SEMA3A: variants seen among roughly 807,000 people sequenced by gnomAD.
SEMA3A encodes semaphorin 3A.
Under a neutral mutation model 97.9 loss-of-function variants are expected in SEMA3A, and 29 were observed. That is an observed-to-expected ratio of 0.30 (90% CI 0.22 to 0.40). SEMA3A has a LOEUF of 0.40. Ranked by LOEUF, SEMA3A falls within the 10% of genes least tolerant of loss-of-function variation. The pLI is 1.00. For synonymous variants in SEMA3A, 321 were observed against 323.7 expected (o/e 0.99, Z 0.09); for missense variants, 763 against 951.3 (o/e 0.80, Z 2.60).
At chr7:84,320,019 G>A (rs1801608220) in intron 2 of SEMA3A, among the ~76,000 whole-genome samples, 1 of 152,078 alleles carries the variant, frequency 6.6e-6, no homozygotes, top group Non-Finnish European at 1.5e-5. Flanking sequence ...ACCCAAAGTA[G>A]GAGCCCAACT....
intron 6 of SEMA3A, among the ~76,000 whole-genome samples, chr7:84,033,637 T>C (rs779749190): frequency 2.6e-5 from 4 of 152,192 alleles, no homozygotes; most frequent in Non-Finnish European, 5.9e-5. Flanking sequence ...AGTAGGGATA[T>C]AAAATAATCT....
At chr7:84,030,045 A>G (rs1916928) in intron 6 of SEMA3A, among the ~76,000 whole-genome samples, 44,494 of 152,026 alleles carry the variant, frequency 0.29, 7,239 homozygotes, top group East Asian at 0.6. Context: ...TAAAAACAAA[A>G]TTATCCTCTC....
chr7:84,361,645 C>A lies in SEMA3A; in HGVS notation c.-169+10179G>T, dbSNP rs1047477763. On this transcript the variant is annotated intron_variant, in intron 2 of 3. Transcript: ENST00000424555. ...GGAAGACTCCTAATTACTAATGATA[C>A]CCTAATTACAATGAATCTTATGACA... is the stretch of plus-strand genomic sequence containing the variant. Among the ~76,000 whole-genome samples the A allele has an allele frequency of 2.6e-5, 4 of 151,860 alleles. No homozygotes were observed. In the East Asian group the frequency reaches 5.8e-4, roughly 22 times the overall value.
In SEMA3A at chr7:84,418,642, C is replaced by T. The variant is rs201072319; in HGVS notation, c.-245-46742G>A. Among the ~76,000 whole-genome samples the T allele has an allele frequency of 2.0e-5, 3 of 152,194 alleles. No homozygotes were observed. In the East Asian group the frequency reaches 5.8e-4, roughly 30 times the overall value. On this transcript the variant is annotated intron_variant, in intron 1 of 3. Coordinates refer to the SEMA3A transcript ENST00000424555. ...CTGTCTTCCCATGGCTTCCTCTCCT[C>T]CTGCCCTTGGACATCATACTCTGGG...
chr7:83,999,736 G>C (rs1331403788), intron 12 of SEMA3A, among the ~76,000 whole-genome samples: 1 of 152,056 alleles, frequency 6.6e-6, no homozygotes, highest in Admixed American at 6.6e-5. Flanking sequence ...AAGGAACCAT[G>C]ACAAATACAG....
At chr7:84,078,487 C>T (rs1794031121) in intron 4 of SEMA3A, among the ~76,000 whole-genome samples, 1 of 152,048 alleles carries the variant, frequency 6.6e-6, no homozygotes, top group African/African-American at 2.4e-5. Context: ...CCAAAACTAT[C>T]CTGCATTTAT....
intron 1 of SEMA3A, among the ~76,000 whole-genome samples, chr7:84,453,565 C>G (rs765880622): frequency 2.2e-4 from 34 of 152,080 alleles, no homozygotes; most frequent in Non-Finnish European, 3.1e-4. Context: ...GTGATAGAGA[C>G]AATGCATCCT....
At chr7:84,372,541 T>C (rs1271986530) in intron 1 of SEMA3A, among the ~76,000 whole-genome samples, 1 of 152,034 alleles carries the variant, frequency 6.6e-6, no homozygotes, top group African/African-American at 2.4e-5. Context: ...TGGTGACTAG[T>C]TTAATGAGTC....
At chr7:84,219,703 T>A (rs943855810) in intron 3 of SEMA3A, among the ~76,000 whole-genome samples, 2 of 152,212 alleles carry the variant, frequency 1.3e-5, no homozygotes, top group African/African-American at 4.8e-5. Flanking sequence ...CTTCAGCAAC[T>A]AAAATCTGTT....
At chr7:84,332,336 T>G (rs1189768061) in intron 2 of SEMA3A, among the ~76,000 whole-genome samples, 4 of 152,178 alleles carry the variant, frequency 2.6e-5, no homozygotes, top group African/African-American at 9.6e-5. Context: ...TGAATTATTT[T>G]TCATGTATAT....
At chr7:84,003,932 C>T (rs116968221) in intron 11 of SEMA3A, among the ~76,000 whole-genome samples, 69 of 152,170 alleles carry the variant, frequency 4.5e-4, no homozygotes, top group Non-Finnish European at 9.1e-4. Context: ...TAAAAGTAGA[C>T]TTTAATATAT....
intron 3 of SEMA3A, among the ~76,000 whole-genome samples, chr7:84,126,059 G>A (rs896589249): frequency 6.6e-6 from 1 of 152,040 alleles, no homozygotes; most frequent in African/African-American, 2.4e-5. Context: ...TTTTCACTTA[G>A]AAATTGTCCA....
At chr7:84,391,811 A>G (rs1007919811) in intron 1 of SEMA3A, among the ~76,000 whole-genome samples, 4 of 152,128 alleles carry the variant, frequency 2.6e-5, no homozygotes, top group Admixed American at 2.6e-4. Context: ...TTCTCTACAA[A>G]AAAATACAAA....
intron 1 of SEMA3A, among the ~76,000 whole-genome samples, chr7:84,379,076 C>T (rs1337805530): frequency 6.6e-6 from 1 of 151,808 alleles, no homozygotes; most frequent in Non-Finnish European, 1.5e-5. Context: ...TACAGGCGCC[C>T]GCCACCACAC....
intron 4 of SEMA3A, among the ~76,000 whole-genome samples, chr7:84,068,768 T>C (rs1793635828): frequency 6.6e-6 from 1 of 152,110 alleles, no homozygotes; most frequent in Admixed American, 6.6e-5. Flanking sequence ...TTTCATGCAG[T>C]ATTTGATTTA....
At chr7:84,020,518 C>A (rs1791289705) in intron 6 of SEMA3A, among the ~76,000 whole-genome samples, 1 of 151,472 alleles carries the variant, frequency 6.6e-6, no homozygotes, top group African/African-American at 2.4e-5. Context: ...TTTATCATAT[C>A]TATTTCTTAA....
Position 83,985,312 on chromosome 7 carries a change from G to A in SEMA3A, c.1494+124C>T, listed in dbSNP as rs555215963. ...CTAGCTTATTGTAAGAATGATATTTGTTTTCTCCTGTATTTTTGTATAATT... is the reference window on the plus strand; with the variant it reads ...CTAGCTTATTGTAAGAATGATATTTATTTTCTCCTGTATTTTTGTATAATT... On this transcript the variant is annotated intron_variant, in intron 13 of 16. Transcript: ENST00000265362. The A allele has an allele frequency of 6.0e-5, 41 of 680,208 alleles. No homozygotes were observed. In the African/African-American group the frequency reaches 6.7e-4, roughly 11 times the overall value. The allele number at this position is 680,208 out of a possible 1,614,324, so 42.1% of individuals were successfully genotyped here. A position where few individuals can be genotyped will look rare whatever the true frequency, so the allele number is the denominator to read the frequency against.
At chr7:84,062,747 C>T (rs1043175980) in intron 4 of SEMA3A, among the ~76,000 whole-genome samples, 3 of 152,324 alleles carry the variant, frequency 2.0e-5, no homozygotes, top group East Asian at 1.9e-4. Context: ...GATTATATCC[C>T]GCACCTGGCT....
chr7:84,315,467 T>A (rs1801473564), intron 2 of SEMA3A, among the ~76,000 whole-genome samples: 1 of 152,146 alleles, frequency 6.6e-6, no homozygotes, highest in Non-Finnish European at 1.5e-5. Flanking sequence ...AATCATTGTA[T>A]AGAAACAAAT....
Sources: allele counts gnomAD v4.1 joint callset (sites outside exome capture counted in the v4.1 genomes callset), GRCh38; gene constraint gnomAD v4.1.1; transcripts MANE v1.5; gene names NCBI Gene and HGNC (gene_info 2026-07-23, HGNC 2026-07-21).